HNF4G: variants seen among roughly 807,000 people sequenced by gnomAD.
The protein encoded by HNF4G is hepatocyte nuclear factor 4 gamma, also known as hepatocyte nuclear factor 4-gamma.
In HNF4G, 21 loss-of-function variants were observed where a neutral mutation model predicts 50.9. The observed-to-expected ratio is 0.41, with a 90% CI of 0.29 to 0.59. The LOEUF is 0.59. Among genes scored for constraint, HNF4G ranks in the 20% least tolerant of loss-of-function variants. The pLI is 0.26. For synonymous variants in HNF4G, 198 were observed against 185.6 expected (o/e 1.07, Z -0.54); for missense variants, 527 against 559.4 (o/e 0.94, Z 0.58).
At chr8:75,475,650 C>A (rs1234602577) in intron 1 of HNF4G, among the ~76,000 whole-genome samples, 1 of 152,130 alleles carries the variant, frequency 6.6e-6, no homozygotes, top group Non-Finnish European at 1.5e-5. Flanking sequence ...TTATGACCCA[C>A]TAATGGCTTA....
At chr8:75,522,329 T>C (rs1398215076) in intron 2 of HNF4G, among the ~76,000 whole-genome samples, 1 of 152,226 alleles carries the variant, frequency 6.6e-6, no homozygotes, top group Non-Finnish European at 1.5e-5. Flanking sequence ...ACATGAATAT[T>C]AATGTTATGA....
chr8:75,438,218 A>G (rs1481641588), intron 1 of HNF4G, among the ~76,000 whole-genome samples: 2 of 152,196 alleles, frequency 1.3e-5, no homozygotes, highest in South Asian at 2.1e-4. Flanking sequence ...GTTCACTCTC[A>G]TACCTCCAAT....
chr8:75,466,112 C>T (rs1361528001), intron 1 of HNF4G, among the ~76,000 whole-genome samples: 2 of 152,150 alleles, frequency 1.3e-5, no homozygotes, highest in Non-Finnish European at 1.5e-5. Flanking sequence ...AGTAGAGGCT[C>T]ATTATACTCC....
intron 2 of HNF4G, among the ~76,000 whole-genome samples, chr8:75,512,247 A>C (rs2977912): frequency 0.53 from 79,519 of 151,412 alleles, 23,291 homozygotes; most frequent in African/African-American, 0.8. Flanking sequence ...TGCTAGCAGC[A>C]ATTTTATGTC....
intron 1 of HNF4G, among the ~76,000 whole-genome samples, chr8:75,422,970 T>A (rs1261346250): frequency 1.3e-5 from 2 of 152,202 alleles, no homozygotes; most frequent in African/African-American, 4.8e-5. Context: ...ATTCCGATTT[T>A]ACAGATGGGT....
intron 1 of HNF4G, among the ~76,000 whole-genome samples, chr8:75,484,088 G>T (rs1464292725): frequency 6.6e-6 from 1 of 152,114 alleles, no homozygotes; most frequent in Non-Finnish European, 1.5e-5. Context: ...TTTAATGAAA[G>T]AAAATATGGC....
chr8:75,556,155 G>T, intron 6 of HNF4G, 86 bp downstream of exon 6: 1 of 570,080 alleles, frequency 1.8e-6, no homozygotes, highest in Non-Finnish European at 2.9e-6. Context: ...TATGTACCAA[G>T]TATTTACAGA....
chr8:75,563,994 C>T lies in HNF4G; in HGVS notation c.1266C>T (p.Leu422=), dbSNP rs116212851. Residue 422 remains leucine, a synonymous_variant, in exon 10 of 10, where the codon CTC becomes CTT. Transcript: ENST00000396423. ...ADQISTPETP[L]PSPPQGSGQE... is the part of the protein sequence containing the mutation. ...TTTCAGCAACTCCTGAAACCCCACT[C>T]CCTTCCCCACCACAAGGCTCTGGGC... is the stretch of plus-strand genomic sequence containing the variant. 3.8e-4 allele frequency: 610 copies of T among 1,613,706 alleles called. 4 individuals carry two copies. In the African/African-American group the frequency reaches 7.4e-3, roughly 20 times the overall value.
chr8:75,552,948 C>T, intron 4 of HNF4G, 94 bp from the exon 5 acceptor site: 3 of 776,470 alleles, frequency 3.9e-6, no homozygotes, highest in Non-Finnish European at 6.1e-6. Context: ...GTGCCTACTT[C>T]TATGGCCTTT....
chr8:75,428,286 C>G (rs1432122103), intron 1 of HNF4G, among the ~76,000 whole-genome samples: 1 of 152,098 alleles, frequency 6.6e-6, no homozygotes, highest in Admixed American at 6.6e-5. Context: ...AGGTAAGTTA[C>G]TTGGTGTTTC....
chr8:75,558,746 T>A, intron 7 of HNF4G, 55 bp from the exon 8 acceptor site: 1 of 1,576,956 alleles, frequency 6.3e-7, no homozygotes, highest in Admixed American at 1.7e-5. Flanking sequence ...ATATTTATTG[T>A]CTCACACTGT....
intron 2 of HNF4G, among the ~76,000 whole-genome samples, chr8:75,533,716 G>T (rs2130770944): frequency 6.6e-6 from 1 of 151,844 alleles, no homozygotes; most frequent in Admixed American, 6.6e-5. Context: ...TTTCAGTTGA[G>T]CCAGTTATAC....
At chr8:75,510,863 A>G (rs538857907) in intron 2 of HNF4G, among the ~76,000 whole-genome samples, 12 of 152,238 alleles carry the variant, frequency 7.9e-5, no homozygotes, top group African/African-American at 2.6e-4. Context: ...CTATGTAATT[A>G]AAAATAATCC....
At position 75,438,594 on chromosome 8, in the gene HNF4G, T is replaced by C. The variant is rs1460248; in HGVS notation, c.-144+30432T>C. Among the ~76,000 whole-genome samples the C allele has an allele frequency of 6.5e-3, 991 of 152,206 alleles. 33 individuals are homozygous for C. The East Asian group carries it at 0.09, about 14-fold the overall frequency. On this transcript the variant is annotated intron_variant, in intron 1 of 10. Transcript: ENST00000354370. ...CCTTTCTTCCTTTTCAGTTATGATA[T>C]TCATTTGGAATACAATTTACCTTCA...
intron 8 of HNF4G, 71 bp from the exon 9 acceptor site, chr8:75,560,273 C>A: frequency 6.6e-7 from 1 of 1,523,142 alleles, no homozygotes; most frequent in Non-Finnish European, 9.0e-7. Flanking sequence ...TCAATCAAAA[C>A]ATTTGTTTCA....
At chr8:75,538,879 T>TATTC (rs1806537672), upstream of HNF4G, among the ~76,000 whole-genome samples, 1 of 152,138 alleles carries the variant, frequency 6.6e-6, no homozygotes, top group South Asian at 2.1e-4. Context: ...TAAGACAGAG[T>TATTC]ATTCATAAGG....
intron 2 of HNF4G, among the ~76,000 whole-genome samples, chr8:75,533,346 A>G (rs1806379789): frequency 6.6e-6 from 1 of 151,960 alleles, no homozygotes; most frequent in African/African-American, 2.4e-5. Context: ...ACCAGCTTCT[A>G]CCTCCAGACT....
At chr8:75,475,658 T>TTA (rs1225037440) in intron 1 of HNF4G, among the ~76,000 whole-genome samples, 1 of 152,198 alleles carries the variant, frequency 6.6e-6, no homozygotes, top group Admixed American at 6.5e-5. Context: ...CACTAATGGC[T>TTA]TATGGATCAG....
intron 1 of HNF4G, among the ~76,000 whole-genome samples, chr8:75,488,556 G>T (rs1213122254): frequency 1.3e-5 from 2 of 152,106 alleles, no homozygotes; most frequent in Non-Finnish European, 2.9e-5. Context: ...GGGATTACAG[G>T]CATGAGCCAC....
Sources: gnomAD v4.1 joint callset for allele counts (sites outside exome capture counted in the v4.1 genomes callset) on GRCh38, gnomAD v4.1.1 for gene constraint, MANE v1.5 for transcripts, NCBI Gene and HGNC (gene_info 2026-07-23, HGNC 2026-07-21) for gene names.